Variants in TMEM51 observed in about 807,000 individuals in gnomAD.
TMEM51 encodes the protein transmembrane protein 51, also known as chromosome 1 open reading frame 72.
Under a neutral mutation model 13.6 loss-of-function variants are expected in TMEM51, and 8 were observed. The ratio of observed to expected loss-of-function variants is 0.59; its 90% CI spans 0.35 to 1.07. The LOEUF (loss-of-function observed/expected upper bound fraction) is 1.07, where lower values mean the gene tolerates loss of function less well. Ranked by LOEUF, TMEM51 falls within the 50% of genes least tolerant of loss-of-function variation. TMEM51 has a pLI of 0.02. For synonymous variants in TMEM51, 147 were observed against 144.4 expected (o/e 1.02, Z -0.13); for missense variants, 279 against 330.7 (o/e 0.84, Z 1.21).
intron 1 of TMEM51, among the ~76,000 whole-genome samples, chr1:15,157,883 G>A (rs1642641988): frequency 6.6e-6 from 1 of 152,218 alleles, no homozygotes; most frequent in Non-Finnish European, 1.5e-5. Flanking sequence ...CGTGAAGGCT[G>A]GCGACCACTG....
intron 1 of TMEM51, among the ~76,000 whole-genome samples, chr1:15,165,363 G>T (rs542705217): frequency 2.6e-5 from 4 of 152,236 alleles, no homozygotes; most frequent in African/African-American, 9.6e-5. Flanking sequence ...AAAAGAATCA[G>T]TATTCAGCCT....
chr1:15,176,440 C>G (rs897602932), intron 1 of TMEM51, among the ~76,000 whole-genome samples: 2 of 152,190 alleles, frequency 1.3e-5, no homozygotes, highest in African/African-American at 4.8e-5. Context: ...AGAGCCACTC[C>G]CCGCTGGCCA....
intron 1 of TMEM51, among the ~76,000 whole-genome samples, chr1:15,196,355 G>A (rs574668670): frequency 5.3e-5 from 8 of 152,166 alleles, no homozygotes; most frequent in African/African-American, 1.4e-4. Flanking sequence ...GCGATGGGCC[G>A]TGGCAATCAC....
At chr1:15,196,042 C>T (rs1373815257) in intron 1 of TMEM51, among the ~76,000 whole-genome samples, 1 of 152,192 alleles carries the variant, frequency 6.6e-6, no homozygotes, top group Non-Finnish European at 1.5e-5. Flanking sequence ...GTTTTTATTC[C>T]TGCGACTTTG....
At chr1:15,194,917 CTTTTT>C (rs34885407) in intron 1 of TMEM51, among the ~76,000 whole-genome samples, 3 of 93,444 alleles carry the variant, frequency 3.2e-5, no homozygotes, top group African/African-American at 1.2e-4. Context: ...TATAATTTTA[CTTTTT>C]TTTTTTTTTT....
At chr1:15,191,932 C>A in intron 1 of TMEM51, 1 of 531,928 alleles carries the variant, frequency 1.9e-6, no homozygotes. Context: ...AAGTTGTAGG[C>A]GTCTATTTAG....
chr1:15,219,968 G>T lies in TMEM51; in HGVS notation c.*225G>T. On this transcript the variant is annotated 3_prime_UTR_variant, in exon 4 of 4. Coordinates refer to ENST00000376008, the MANE Select transcript of TMEM51 (RefSeq NM_001136218.2). ...GGAAAGAGATGCTGCCTTGGAGCTG[G>T]TGAATCTGTGGACCACATTCAAGGG... is the stretch of plus-strand genomic sequence containing the variant. 1.8e-6 allele frequency: 1 copy of T among 571,384 alleles called. No individual in the cohort carries two copies. The highest frequency in any genetic ancestry group is 3.1e-6 in the Non-Finnish European group (1 of 323,102). 35.4% of individuals were successfully genotyped at this position (571,384 alleles called of 1,614,324 possible).
chr1:15,153,100 G>C (rs1043527512), upstream of TMEM51, among the ~76,000 whole-genome samples: 1 of 152,222 alleles, frequency 6.6e-6, no homozygotes, highest in African/African-American at 2.4e-5. Flanking sequence ...TGGGGACCCT[G>C]GCCGAGGGCG....
intron 1 of TMEM51, among the ~76,000 whole-genome samples, chr1:15,199,882 G>C (rs1644120791): frequency 6.6e-6 from 1 of 152,132 alleles, no homozygotes; most frequent in African/African-American, 2.4e-5. Flanking sequence ...TCTGCGAAGT[G>C]GGGACCGTAG....
At chr1:15,162,371 C>A (rs1301171738) in intron 1 of TMEM51, among the ~76,000 whole-genome samples, 10 of 151,992 alleles carry the variant, frequency 6.6e-5, no homozygotes, top group Non-Finnish European at 1.5e-4. Context: ...CCATGTTGGC[C>A]AAGCTGGTCT....
chr1:15,166,790 A>G (rs541614863), intron 1 of TMEM51, among the ~76,000 whole-genome samples: 2 of 152,268 alleles, frequency 1.3e-5, no homozygotes, highest in African/African-American at 4.8e-5. Flanking sequence ...TTCCATTTGA[A>G]CACAGTTCGA....
chr1:15,198,100 C>T (rs1288472759), intron 1 of TMEM51, among the ~76,000 whole-genome samples: 1 of 152,182 alleles, frequency 6.6e-6, no homozygotes, highest in Non-Finnish European at 1.5e-5. Context: ...TGCTGCTCTG[C>T]CAGTCTCTAC....
intron 1 of TMEM51, among the ~76,000 whole-genome samples, chr1:15,188,130 T>C (rs1275955882): frequency 1.3e-5 from 2 of 152,200 alleles, no homozygotes; most frequent in Non-Finnish European, 2.9e-5. Context: ...CTGGGTCCAG[T>C]GGTACCCTCT....
rs1313884086 is a variant in TMEM51 at position 15,201,706 on chromosome 1, AG to A, written c.-266-8779del. Reference sequence around the variant, plus strand: ...TGAGGGAACGGGGAATGGCGAGGGGAGGGGGACAAGCTCGGCTCAATACCAA... The same window carrying A: ...TGAGGGAACGGGGAATGGCGAGGGGAGGGGACAAGCTCGGCTCAATACCAA... On this transcript the variant is annotated intron_variant, in intron 1 of 3. Coordinates refer to ENST00000376008, the MANE Select transcript of TMEM51 (RefSeq NM_001136218.2). 3.9e-5 allele frequency among the ~76,000 whole-genome samples: 6 copies of A among 152,224 alleles called. No individual in the cohort carries two copies. In the East Asian group the frequency reaches 1.2e-3, roughly 29 times the overall value.
chr1:15,214,740 C>T (rs1644396524), intron 2 of TMEM51, among the ~76,000 whole-genome samples, 155 bp from the exon 3 acceptor site: 1 of 152,194 alleles, frequency 6.6e-6, no homozygotes, highest in Non-Finnish European at 1.5e-5. Flanking sequence ...AGCCTGAGCA[C>T]GTAAGACATC....
intron 1 of TMEM51, chr1:15,171,116 C>A (rs1643255719): frequency 8.7e-7 from 1 of 1,144,168 alleles, no homozygotes; most frequent in Non-Finnish European, 1.2e-6. Flanking sequence ...CCCCCCGCCA[C>A]ATCCCCCACC....
At chr1:15,215,683 A>G (rs1644420751) in intron 3 of TMEM51, among the ~76,000 whole-genome samples, 1 of 152,218 alleles carries the variant, frequency 6.6e-6, no homozygotes, top group Non-Finnish European at 1.5e-5. Context: ...ATTTTATTAC[A>G]ATAGATTTTT....
At position 15,207,122 on chromosome 1, in the gene TMEM51, G is replaced by A. The variant is rs950979908; in HGVS notation, c.-266-3368G>A. 5.9e-5 allele frequency among the ~76,000 whole-genome samples: 9 copies of A among 152,228 alleles called. No homozygotes were observed. The East Asian group carries it at 7.7e-4, about 13-fold the overall frequency. ...GAATGTGGCACAGCCCGGTGGAACC[G>A]GGGATCCCTTTCCCAATTATGCAGC... On this transcript the variant is annotated intron_variant, in intron 1 of 3. Coordinates refer to ENST00000376008, the MANE Select transcript of TMEM51 (RefSeq NM_001136218.2). This position sits in a 1 kb window ranked among gnomAD's most constrained non-coding sequence, Gnocchi z 4.6.
At chr1:15,205,022 G>T (rs911301116) in intron 1 of TMEM51, among the ~76,000 whole-genome samples, 3 of 152,148 alleles carry the variant, frequency 2.0e-5, no homozygotes, top group African/African-American at 4.8e-5. Flanking sequence ...TCCTGGCAGA[G>T]GAAGTCTCTG....
Sources: allele counts gnomAD v4.1 joint callset (sites outside exome capture counted in the v4.1 genomes callset), GRCh38; gene constraint gnomAD v4.1.1; non-coding constraint Gnocchi (gnomAD v3.1); transcripts MANE v1.5; gene names NCBI Gene and HGNC (gene_info 2026-07-23, HGNC 2026-07-21).